Variants in TENM4 observed in about 807,000 individuals in gnomAD.
TENM4 encodes the protein teneurin-4.
Under a neutral mutation model 243.3 loss-of-function variants are expected in TENM4, and 82 were observed. That is an observed-to-expected ratio of 0.34 (90% CI 0.28 to 0.40). The LOEUF is 0.40. TENM4 is among the 10% of genes least tolerant of loss of function. TENM4 has a pLI of 1.00. For missense variants in TENM4, 3,138 were observed against 3,673.3 expected (o/e 0.85, Z 3.77); for synonymous variants, 1,412 against 1,456.3 (o/e 0.97, Z 0.69).
chr11:79,343,668 AAT>A (rs1030039353), intron 1 of TENM4, among the ~76,000 whole-genome samples: 32 of 152,228 alleles, frequency 2.1e-4, no homozygotes, highest in African/African-American at 6.5e-4. Flanking sequence ...AAAAAAAAAA[AAT>A]AGTTTGAGAC....
At chr11:79,313,240 C>G (rs1330239377) in intron 1 of TENM4, among the ~76,000 whole-genome samples, 1 of 152,174 alleles carries the variant, frequency 6.6e-6, no homozygotes, top group Non-Finnish European at 1.5e-5. Context: ...TGAAATTAAT[C>G]CTTTCACTTA....
chr11:79,239,525 A>G (rs1257461966), intron 2 of TENM4, among the ~76,000 whole-genome samples: 1 of 152,166 alleles, frequency 6.6e-6, no homozygotes, highest in Non-Finnish European at 1.5e-5. Context: ...ACCTGGATGC[A>G]TGAACTCAAG....
intron 1 of TENM4, among the ~76,000 whole-genome samples, chr11:79,363,567 C>T (rs1175736883): frequency 6.6e-6 from 1 of 152,198 alleles, no homozygotes; most frequent in African/African-American, 2.4e-5. Context: ...GGATGAAACA[C>T]TTATCTCCCA....
intron 4 of TENM4, among the ~76,000 whole-genome samples, chr11:79,107,728 T>C (rs1199311759): frequency 2.0e-5 from 3 of 152,232 alleles, no homozygotes; most frequent in African/African-American, 7.2e-5. Flanking sequence ...ATGTGTCTAA[T>C]GCCCTTGATG....
intron 1 of TENM4, chr11:79,422,137 C>T (rs1858946000): frequency 6.5e-6 from 1 of 154,094 alleles, no homozygotes; most frequent in Non-Finnish European, 1.5e-5. Flanking sequence ...CTTCTCAACT[C>T]TGTTCACCTC....
chr11:79,069,618 G>T, intron 5 of TENM4, 104 bp downstream of exon 5: 6 of 1,405,326 alleles, frequency 4.3e-6, no homozygotes, highest in Non-Finnish European at 5.6e-6. Context: ...TGGTGTTCCA[G>T]CTCACCTGTG....
chr11:79,255,828 T>C (rs1359194816), intron 2 of TENM4, among the ~76,000 whole-genome samples: 2 of 152,210 alleles, frequency 1.3e-5, no homozygotes, highest in Non-Finnish European at 2.9e-5. Flanking sequence ...TCTGTCCCTT[T>C]CTCTATTGAA....
intron 2 of TENM4, among the ~76,000 whole-genome samples, chr11:79,277,400 G>T (rs942439502): frequency 2.6e-5 from 4 of 152,278 alleles, no homozygotes; most frequent in East Asian, 3.9e-4. Context: ...TATGAGAGGG[G>T]TAGAATTATC....
intron 19 of TENM4, 21 bp from the exon 20 acceptor site, chr11:78,738,591 A>G: frequency 6.2e-7 from 1 of 1,610,802 alleles, no homozygotes; most frequent in Non-Finnish European, 8.5e-7. Flanking sequence ...AGAAGAGAGA[A>G]TAAACATGAT....
Position 79,064,670 on chromosome 11 carries a change from T to C in TENM4, c.493+68A>G, listed in dbSNP as rs1318197112. On this transcript the variant is annotated intron_variant, in intron 6 of 33. Transcript: ENST00000278550. ...AGAGCCCCGGCAGTGGAGCAGGAAA[T>C]CAATATTATAAATAAAACCCCAGCC... 2.6e-6 allele frequency: 4 copies of C among 1,532,048 alleles called. No individual in the cohort carries two copies. The Admixed American group carries it at 8.0e-5, about 31-fold the overall frequency. The allele number at this position is 1,532,048 out of a possible 1,614,324, so 94.9% of individuals were successfully genotyped here. A position where few individuals can be genotyped will look rare whatever the true frequency, so the allele number is the denominator to read the frequency against.
chr11:78,805,414 C>T lies in TENM4; in HGVS notation c.2057G>A (p.Gly686Asp). 6.2e-7 allele frequency: 1 copy of T among 1,603,888 alleles called. No homozygotes were observed. The change falls in exon 15 of 34, where the codon GGC becomes GAC. Residue 686 changes from glycine (G) to aspartate (D), a missense_variant. Coordinates refer to ENST00000278550, the MANE Select transcript of TENM4 (RefSeq NM_001098816.3). ...GGCCCTGGGGGTCTCGCAGTTGGTGCCTCCCCATCCCACAGAGCAGTGGCA... is the reference window on the plus strand; with the variant it reads ...GGCCCTGGGGGTCTCGCAGTTGGTGTCTCCCCATCCCACAGAGCAGTGGCA... ...GECHCSVGWG[G>D]TNCETPRATC...
At chr11:78,908,513 C>G (rs951518265) in intron 6 of TENM4, among the ~76,000 whole-genome samples, 3 of 152,106 alleles carry the variant, frequency 2.0e-5, no homozygotes, top group Admixed American at 6.6e-5. Context: ...AAGCAAAAAA[C>G]CTTGAGAGAA....
At chr11:78,890,289 C>A (rs1309848494) in intron 8 of TENM4, among the ~76,000 whole-genome samples, 3 of 152,198 alleles carry the variant, frequency 2.0e-5, no homozygotes, top group Non-Finnish European at 4.4e-5. Context: ...AAGGTGTTAA[C>A]CAACTCAACA....
At chr11:78,994,885 G>A (rs1858133549) in intron 6 of TENM4, among the ~76,000 whole-genome samples, 2 of 152,222 alleles carry the variant, frequency 1.3e-5, no homozygotes, top group African/African-American at 4.8e-5. Context: ...TTCCCCGGAT[G>A]CCTATTCTGT....
intron 7 of TENM4, among the ~76,000 whole-genome samples, chr11:78,893,421 T>C (rs1034433094): frequency 6.6e-6 from 1 of 152,210 alleles, no homozygotes; most frequent in East Asian, 1.9e-4. Flanking sequence ...ATTTGGATCA[T>C]ATCACTTCTC....
At chr11:79,419,601 A>G (rs1404706978) in intron 1 of TENM4, among the ~76,000 whole-genome samples, 4 of 152,244 alleles carry the variant, frequency 2.6e-5, no homozygotes, top group African/African-American at 4.8e-5. Flanking sequence ...CTCAAATCCC[A>G]CTATGAGGCC....
chr11:79,016,590 A>T (rs1858780880), intron 6 of TENM4, among the ~76,000 whole-genome samples: 1 of 152,222 alleles, frequency 6.6e-6, no homozygotes, highest in Non-Finnish European at 1.5e-5. Flanking sequence ...TAGGCTAAAG[A>T]TACACATTCG....
intron 2 of TENM4, among the ~76,000 whole-genome samples, chr11:79,283,757 G>A (rs1472038290): frequency 6.6e-6 from 1 of 152,024 alleles, no homozygotes; most frequent in African/African-American, 2.4e-5. Context: ...TTGGAGAAAC[G>A]AAGAAATAAA....
intron 2 of TENM4, among the ~76,000 whole-genome samples, chr11:79,222,825 C>T (rs1864189389): frequency 6.6e-6 from 1 of 152,064 alleles, no homozygotes; most frequent in East Asian, 1.9e-4. Flanking sequence ...CTGTTCATGT[C>T]CTTTGCACAC....
Sources: allele counts gnomAD v4.1 joint callset (sites outside exome capture counted in the v4.1 genomes callset), GRCh38; gene constraint gnomAD v4.1.1; transcripts MANE v1.5; gene names NCBI Gene and HGNC (gene_info 2026-07-23, HGNC 2026-07-21).